DNAH5: variants seen among roughly 807,000 people sequenced by gnomAD.
The protein encoded by DNAH5 is dynein axonemal heavy chain 5.
Under a neutral mutation model 518.2 loss-of-function variants are expected in DNAH5, and 372 were observed. That is an observed-to-expected ratio of 0.72 (90% CI 0.66 to 0.78). DNAH5 has a LOEUF of 0.78. DNAH5 is among the 30% of genes least tolerant of loss of function. The pLI is 0.00. For missense variants in DNAH5, 5,523 were observed against 5,687.0 expected, an observed-to-expected ratio of 0.97 and a Z score of 0.93; for synonymous variants, 2,039 against 2,025.9, an observed-to-expected ratio of 1.01 and a Z score of -0.17.
intron 1 of DNAH5, among the ~76,000 whole-genome samples, chr5:13,982,477 TG>T: frequency 1.3e-5 from 2 of 151,992 alleles, no homozygotes; most frequent in African/African-American, 2.4e-5. Flanking sequence ...ATTGCATGAG[TG>T]AGTAGACATA....
At chr5:13,950,997 G>C (rs914467756) in intron 1 of DNAH5, among the ~76,000 whole-genome samples, 37 of 152,098 alleles carry the variant, frequency 2.4e-4, no homozygotes, top group African/African-American at 8.9e-4. Context: ...CAATTAATTA[G>C]AGAGATAGGA....
intron 1 of DNAH5, among the ~76,000 whole-genome samples, chr5:13,966,181 T>C (rs1323517004): frequency 2.6e-5 from 4 of 152,066 alleles, no homozygotes; most frequent in Non-Finnish European, 4.4e-5. Context: ...TTTCCTTTTA[T>C]GGCTGAGTAG....
At position 13,901,578 on chromosome 5, in the gene DNAH5, T is replaced by C; in HGVS notation, c.1731-5A>G. 1 of 1,597,186 alleles carries C rather than the reference T, an allele frequency of 6.3e-7. No homozygotes were observed. Among genetic ancestry groups the C allele is most frequent in the Non-Finnish European group, 8.6e-7 (1 of 1,169,422 alleles). ...CCAAGATTAGGTATATTCAATCTGA[T>C]TTTTTTAAAAAGTTAAAAGCTTGAA... is the stretch of plus-strand genomic sequence containing the variant. On this transcript the variant is annotated splice_region_variant and splice_polypyrimidine_tract_variant and intron_variant, in intron 13 of 78. Coordinates refer to ENST00000265104, the MANE Select transcript of DNAH5 (RefSeq NM_001369.3).
intron 51 of DNAH5, among the ~76,000 whole-genome samples, chr5:13,788,380 A>C (rs1379717398): frequency 1.3e-5 from 2 of 152,186 alleles, no homozygotes; most frequent in African/African-American, 4.8e-5. Context: ...GAGAGTGCCG[A>C]GATGCCCAGC....
chr5:13,774,570 T>C (rs1753806680), intron 55 of DNAH5, among the ~76,000 whole-genome samples: 2 of 152,172 alleles, frequency 1.3e-5, no homozygotes, highest in African/African-American at 4.8e-5. Context: ...CTTGTGTCTG[T>C]TGACAAGTCT....
intron 35 of DNAH5, among the ~76,000 whole-genome samples, chr5:13,835,696 T>A (rs912036581): frequency 1.3e-5 from 2 of 152,140 alleles, no homozygotes; most frequent in Admixed American, 1.3e-4. Context: ...TCCTCCAGCC[T>A]CCTAATATAA....
intron 17 of DNAH5, 108 bp downstream of exon 17, chr5:13,890,868 G>A (rs777991113): frequency 1.2e-4 from 140 of 1,195,334 alleles, no homozygotes; most frequent in Non-Finnish European, 1.4e-4. Context: ...CTATCACAGA[G>A]CACTGCAAGT....
At position 13,974,976 on chromosome 5, in the gene DNAH5, C is replaced by T. The variant is rs76614703; in HGVS notation, c.12+36672G>A. ...AGAGCTGGGGAGTATTGATGAGGCA[C>T]AGACTGGCCCTCTGGAGTCCACAGG... On this transcript the variant is annotated intron_variant, in intron 1 of 78. Coordinates refer to the DNAH5 transcript ENST00000681290. 5.4e-3 allele frequency among the ~76,000 whole-genome samples: 818 copies of T among 152,230 alleles called. 11 individuals are homozygous for T. The highest frequency in any genetic ancestry group is 0.019 in the African/African-American group (789 of 41,532).
At chr5:13,825,270 G>A (rs1012433580) in intron 38 of DNAH5, among the ~76,000 whole-genome samples, 61 of 152,026 alleles carry the variant, frequency 4.0e-4, no homozygotes, top group Admixed American at 3.3e-4. Context: ...CTTAAACCCA[G>A]GAAGCAGAGG....
chr5:13,910,695 T>C (rs1271068689), intron 12 of DNAH5, among the ~76,000 whole-genome samples: 1 of 152,136 alleles, frequency 6.6e-6, no homozygotes, highest in Non-Finnish European at 1.5e-5. Context: ...CGTGACCCAG[T>C]GGATCCCATC....
At chr5:13,923,499 T>C in intron 3 of DNAH5, 59 bp from the exon 4 acceptor site, 1 of 1,594,112 alleles carries the variant, frequency 6.3e-7, no homozygotes, top group South Asian at 1.1e-5. Context: ...TGTGGTTCCC[T>C]TTGGAATGAA....
intron 25 of DNAH5, among the ~76,000 whole-genome samples, chr5:13,867,164 C>T (rs1376905997): frequency 6.6e-6 from 1 of 152,150 alleles, no homozygotes; most frequent in East Asian, 1.9e-4. Context: ...ACACTGTTAG[C>T]CCTTTTAAAT....
chr5:13,850,694 TGTG>T lies in DNAH5; in HGVS notation c.5069_5071del (p.Pro1690del). The stretch of plus-strand genomic sequence containing the variant: ...GCATATTTCCAACTGGTCCAGCAAG[TGTG>T]GTAACAGCTGCCCCAGGGTCTCATC... On this transcript the variant is annotated inframe_deletion, in exon 31 of 79. Transcript: ENST00000265104. 6.2e-7 allele frequency: 1 copy of T among 1,614,104 alleles called. No homozygotes were observed.
chr5:13,818,196 T>G (rs2151809002), intron 41 of DNAH5, among the ~76,000 whole-genome samples: 1 of 152,394 alleles, frequency 6.6e-6, no homozygotes, highest in African/African-American at 2.4e-5. Context: ...TCAAGAAATG[T>G]ATTCAAATCT....
intron 1 of DNAH5, among the ~76,000 whole-genome samples, chr5:13,982,505 T>C (rs1246073795): frequency 6.6e-6 from 1 of 152,166 alleles, no homozygotes; most frequent in Admixed American, 6.5e-5. Context: ...ATTGCATGAG[T>C]GAGTAGACAT....
chr5:13,693,989 A>G (rs532402545), intron 78 of DNAH5, among the ~76,000 whole-genome samples: 25 of 152,238 alleles, frequency 1.6e-4, no homozygotes, highest in African/African-American at 5.8e-4. Flanking sequence ...AACGCTAACT[A>G]TACTCACTGA....
At chr5:13,874,600 C>T (rs112799076) in intron 22 of DNAH5, among the ~76,000 whole-genome samples, 173 of 152,284 alleles carry the variant, frequency 1.1e-3, no homozygotes, top group African/African-American at 3.8e-3. Context: ...TCACTGCAAC[C>T]TCTGCCTTCT....
In DNAH5 at chr5:13,806,425, T is replaced by C. The variant is rs1759599408; in HGVS notation, c.7887+1166A>G. Among the ~76,000 whole-genome samples the C allele has an allele frequency of 1.3e-5, 2 of 152,294 alleles. 1 individual carries two copies. Among genetic ancestry groups the C allele is most frequent in the South Asian group, 4.1e-4 (2 of 4,822 alleles). ...TTAGAAGTTTAATCAATGATCTTAG[T>C]GTATTGGCACTCCGCTGTCACCAAT... On this transcript the variant is annotated intron_variant, in intron 47 of 78. Transcript: ENST00000265104.
chr5:13,754,322 G>T lies in DNAH5; in HGVS notation c.10436C>A (p.Ala3479Glu). 2 of 1,614,046 alleles carry T rather than the reference G, an allele frequency of 1.2e-6. No homozygotes were observed. Among genetic ancestry groups the T allele is most frequent in the Middle Eastern group, 1.7e-4 (1 of 6,060 alleles). The change falls in exon 62 of 79, where the codon GCA becomes GAA. Residue 3479 changes from alanine to glutamate, a missense_variant. By Grantham distance (107) the Ala-to-Glu change is moderately radical (BLOSUM62 -1). Coordinates refer to ENST00000265104, the MANE Select transcript of DNAH5 (RefSeq NM_001369.3). ...MTEKQTLLEDAERCRHKMQTA... is the reference protein window; with the variant it reads ...MTEKQTLLEDEERCRHKMQTA... ...CTGCATCTTGTGTCTGCATCGCTCT[G>T]CATCTTCAAGCAAGGTCTAACAAAG...
Sources: allele counts gnomAD v4.1 joint callset (sites outside exome capture counted in the v4.1 genomes callset), GRCh38; gene constraint gnomAD v4.1.1; transcripts MANE v1.5; gene names NCBI Gene and HGNC (gene_info 2026-07-23, HGNC 2026-07-21).